GUCY1A2: variants seen among roughly 807,000 people sequenced by gnomAD.
GUCY1A2 encodes guanylate cyclase soluble subunit alpha-2.
Under a neutral mutation model 63.5 loss-of-function variants are expected in GUCY1A2, and 27 were observed. The ratio of observed to expected loss-of-function variants is 0.43; its 90% CI spans 0.31 to 0.59. The LOEUF (loss-of-function observed/expected upper bound fraction) is 0.59. Ranked by LOEUF, GUCY1A2 falls within the 20% of genes least tolerant of loss-of-function variation. The pLI is 0.11. For missense variants in GUCY1A2, 768 were observed against 913.3 expected, an observed-to-expected ratio of 0.84 and a Z score of 2.05; for synonymous variants, 364 against 343.5, an observed-to-expected ratio of 1.06 and a Z score of -0.66.
chr11:106,716,902 G>A (rs1187907374), intron 6 of GUCY1A2, among the ~76,000 whole-genome samples: 4 of 152,060 alleles, frequency 2.6e-5, no homozygotes, highest in Admixed American at 1.3e-4. Flanking sequence ...TCTAGTGAAC[G>A]GCTAGAGCCA....
chr11:106,933,461 C>T (rs560686171), intron 4 of GUCY1A2, among the ~76,000 whole-genome samples: 1 of 152,136 alleles, frequency 6.6e-6, no homozygotes, highest in East Asian at 1.9e-4. Flanking sequence ...GCTGGCAAGG[C>T]TGTGGAGAAA....
chr11:107,009,191 T>C (rs1353609194), intron 1 of GUCY1A2, among the ~76,000 whole-genome samples: 1 of 152,196 alleles, frequency 6.6e-6, no homozygotes, highest in Non-Finnish European at 1.5e-5. Flanking sequence ...GAAGCATTAA[T>C]GTTAGTGTCA....
At chr11:106,844,417 TCATCA>T (rs1459235377) in intron 4 of GUCY1A2, among the ~76,000 whole-genome samples, 1 of 151,766 alleles carries the variant, frequency 6.6e-6, no homozygotes, top group Non-Finnish European at 1.5e-5. Flanking sequence ...GTAGTATGGA[TCATCA>T]ATATTTACTC....
At chr11:106,875,477 T>C (rs1859736912) in intron 4 of GUCY1A2, among the ~76,000 whole-genome samples, 1 of 152,134 alleles carries the variant, frequency 6.6e-6, no homozygotes, top group Non-Finnish European at 1.5e-5. Context: ...CATGGTTGGA[T>C]CCAGGGCTCA....
chr11:106,717,035 A>G, intron 6 of GUCY1A2, among the ~76,000 whole-genome samples: 1 of 152,146 alleles, frequency 6.6e-6, no homozygotes, highest in Non-Finnish European at 1.5e-5. Context: ...TGCCAAGTTC[A>G]TGGTAATATC....
chr11:106,982,442 T>C (rs1466227455), intron 2 of GUCY1A2, among the ~76,000 whole-genome samples: 3 of 152,102 alleles, frequency 2.0e-5, no homozygotes, highest in Non-Finnish European at 2.9e-5. Flanking sequence ...AAGATGCACA[T>C]TCAATGCCCC....
chr11:106,964,382 G>C (rs924785518), intron 3 of GUCY1A2, among the ~76,000 whole-genome samples: 3 of 152,172 alleles, frequency 2.0e-5, no homozygotes, highest in African/African-American at 7.2e-5. Flanking sequence ...TGGCCTTCCT[G>C]CTGTGGTTAC....
intron 4 of GUCY1A2, among the ~76,000 whole-genome samples, chr11:106,902,681 A>G (rs1860150258): frequency 6.6e-6 from 1 of 152,216 alleles, no homozygotes; most frequent in African/African-American, 2.4e-5. Context: ...TTCCACATCC[A>G]GAGCTTCAAC....
Position 106,687,536 on chromosome 11 carries a change from T to G in GUCY1A2, c.*13A>C. On this transcript the variant is annotated 3_prime_UTR_variant, in exon 8 of 8. Coordinates refer to ENST00000526355, the MANE Select transcript of GUCY1A2 (RefSeq NM_000855.3). ...TTGTGCTTTTTGGAGGAGTCTTTGA[T>G]CTGTAGCAGGTCTCAGAGGCTTGTC... 1 of 1,600,918 alleles carries G rather than the reference T, an allele frequency of 6.2e-7. No individual in the cohort carries two copies. Among genetic ancestry groups the G allele is most frequent in the South Asian group, 1.1e-5 (1 of 90,848 alleles).
At chr11:106,949,140 C>A (rs759297535) in intron 3 of GUCY1A2, among the ~76,000 whole-genome samples, 9 of 152,154 alleles carry the variant, frequency 5.9e-5, no homozygotes, top group Non-Finnish European at 8.8e-5. Context: ...TGACATTCTG[C>A]TAGTCTCTCT....
intron 4 of GUCY1A2, among the ~76,000 whole-genome samples, chr11:106,925,690 C>T (rs1364143071): frequency 6.6e-6 from 1 of 152,140 alleles, no homozygotes; most frequent in Non-Finnish European, 1.5e-5. Context: ...AATCTTGAGA[C>T]TCCACGCTAT....
intron 3 of GUCY1A2, among the ~76,000 whole-genome samples, chr11:106,977,118 T>C (rs1861273229): frequency 6.6e-6 from 1 of 152,200 alleles, no homozygotes; most frequent in Non-Finnish European, 1.5e-5. Flanking sequence ...GGAAAGTGTT[T>C]AGAAACTGGA....
At chr11:106,809,844 A>G in intron 5 of GUCY1A2, 149 bp downstream of exon 5, 1 of 545,800 alleles carries the variant, frequency 1.8e-6, no homozygotes, top group Non-Finnish European at 3.2e-6. Flanking sequence ...GTTTACTCAT[A>G]AAGAAGAAAT....
intron 3 of GUCY1A2, among the ~76,000 whole-genome samples, chr11:106,968,665 G>A (rs1861156741): frequency 1.2e-5 from 1 of 85,212 alleles, no homozygotes; most frequent in Non-Finnish European, 2.5e-5. Flanking sequence ...TCTTCTGTGG[G>A]GACCTACACT....
At chr11:106,870,105 T>G (rs1591308684) in intron 4 of GUCY1A2, among the ~76,000 whole-genome samples, 2 of 21,572 alleles carry the variant, frequency 9.3e-5, no homozygotes, top group African/African-American at 3.9e-4. Flanking sequence ...GGGCCTCTTG[T>G]GAGGGGGGGG....
chr11:106,985,735 G>A (rs947843497), intron 2 of GUCY1A2, among the ~76,000 whole-genome samples: 4 of 152,106 alleles, frequency 2.6e-5, no homozygotes, highest in Non-Finnish European at 5.9e-5. Flanking sequence ...CCCATTCAAA[G>A]CATCTGGGTT....
Position 106,676,820 on chromosome 11 carries a change from G to C in GUCY1A2, c.*10729C>G. The stretch of plus-strand genomic sequence containing the variant: ...AAAAAAAATGACTACTTGAAAATAA[G>C]AGGTTTTTCTAACTTAAGACATTTG... On this transcript the variant is annotated 3_prime_UTR_variant, in exon 8 of 8. Transcript: ENST00000526355. 1 of 198,050 alleles carries C rather than the reference G, an allele frequency of 5.0e-6. No homozygotes were observed. The highest frequency in any genetic ancestry group is 1.0e-5 in the Non-Finnish European group (1 of 95,782). The allele number at this position is 198,050 out of a possible 1,614,324, so 12.3% of individuals were successfully genotyped here.
intron 6 of GUCY1A2, among the ~76,000 whole-genome samples, chr11:106,711,218 A>T (rs1266806727): frequency 6.6e-6 from 1 of 152,146 alleles, no homozygotes; most frequent in African/African-American, 2.4e-5. Flanking sequence ...ATGCATATGT[A>T]GGTGCTAGAT....
intron 5 of GUCY1A2, among the ~76,000 whole-genome samples, chr11:106,799,757 C>A (rs376491347): frequency 6.6e-6 from 1 of 152,176 alleles, no homozygotes; most frequent in African/African-American, 2.4e-5. Context: ...GGATTAAAGA[C>A]TTAAATGTTA....
Sources: allele counts gnomAD v4.1 joint callset (sites outside exome capture counted in the v4.1 genomes callset), GRCh38; gene constraint gnomAD v4.1.1; transcripts MANE v1.5; gene names NCBI Gene and HGNC (gene_info 2026-07-23, HGNC 2026-07-21).